NBAS: variants seen among roughly 807,000 people sequenced by gnomAD.
NBAS encodes the protein NAG/BC035112 fusion.
In NBAS, 219 loss-of-function variants were observed where a neutral mutation model predicts 302.5. That is an observed-to-expected ratio of 0.72 (90% CI 0.65 to 0.81). The LOEUF (loss-of-function observed/expected upper bound fraction) is 0.81, where lower values mean the gene tolerates loss of function less well. NBAS is among the 30% of genes least tolerant of loss of function. NBAS has a pLI of 0.00. For missense variants in NBAS, 2,932 were observed against 2,841.6 expected (o/e 1.03, Z -0.72); for synonymous variants, 1,118 against 1,021.6 (o/e 1.09, Z -1.80).
At chr2:15,344,775 C>G (rs149411811) in intron 35 of NBAS, among the ~76,000 whole-genome samples, 2 of 152,278 alleles carry the variant, frequency 1.3e-5, no homozygotes, top group Admixed American at 1.3e-4. Context: ...AAAACACTGG[C>G]AAACCGAATC....
At chr2:15,560,844 G>A (rs559743530) in intron 1 of NBAS, among the ~76,000 whole-genome samples, 38 of 152,218 alleles carry the variant, frequency 2.5e-4, no homozygotes, top group African/African-American at 8.7e-4. Flanking sequence ...GTCCAGCGCT[G>A]TGCCTTCCCC....
At chr2:14,996,450 C>T in the NBAS span, among the ~76,000 whole-genome samples, 3 of 152,270 alleles carry the variant, frequency 2.0e-5, no homozygotes, top group East Asian at 3.9e-4. Context: ...CGGCAGACGG[C>T]GTACAGCACC....
chr2:15,046,258 C>T, the NBAS span, among the ~76,000 whole-genome samples: 27 of 152,122 alleles, frequency 1.8e-4, no homozygotes, highest in African/African-American at 6.5e-4. Context: ...GTTTTCATAG[C>T]TAATTTTTAT....
chr2:15,532,626 G>T (rs1663279047), intron 9 of NBAS, among the ~76,000 whole-genome samples: 1 of 151,940 alleles, frequency 6.6e-6, no homozygotes, highest in Admixed American at 6.5e-5. Flanking sequence ...ACAAAGGGAA[G>T]TAAATAAACA....
At chr2:15,487,568 G>C (rs1431192809) in intron 12 of NBAS, among the ~76,000 whole-genome samples, 1 of 152,106 alleles carries the variant, frequency 6.6e-6, no homozygotes, top group African/African-American at 2.4e-5. Context: ...GTTGCTGTAG[G>C]GTCAACTGTG....
the NBAS span, among the ~76,000 whole-genome samples, chr2:14,874,463 T>TAA: frequency 7.5e-3 from 976 of 129,630 alleles, 16 homozygotes; most frequent in East Asian, 0.037. Context: ...CGTCTCTACT[T>TAA]AAAAAAAAAA....
At chr2:14,923,336 G>A in the NBAS span, among the ~76,000 whole-genome samples, 41 of 152,170 alleles carry the variant, frequency 2.7e-4, no homozygotes, top group Non-Finnish European at 5.1e-4. Flanking sequence ...ACAGCAGTGA[G>A]CAGATCACTG....
the NBAS span, among the ~76,000 whole-genome samples, chr2:15,120,811 C>A: frequency 5.4e-3 from 825 of 152,366 alleles, 5 homozygotes; most frequent in Non-Finnish European, 8.1e-3. Context: ...GCCAGACCAA[C>A]TGCTTCCTTT....
intron 48 of NBAS, among the ~76,000 whole-genome samples, chr2:15,210,658 A>T (rs1006127420): frequency 6.6e-6 from 1 of 152,198 alleles, no homozygotes; most frequent in Non-Finnish European, 1.5e-5. Flanking sequence ...TGTATCAAAG[A>T]GATAGCTGCA....
rs796592576 is a variant in NBAS, at chr2:15,211,899, T to A, written c.6432+6874A>T. Among the ~76,000 whole-genome samples, 26 of 152,318 alleles carry A rather than the reference T, an allele frequency of 1.7e-4. 1 individual carries two copies. Among genetic ancestry groups the A allele is most frequent in the African/African-American group, 6.3e-4 (26 of 41,558 alleles). On this transcript the variant is annotated intron_variant, in intron 48 of 51. Transcript: ENST00000281513. ...GTGAAGGGGATAAACAGAGCGTCCCTATATCTCCACTTCCACCTTCCAAAA... is the reference window on the plus strand; with the variant it reads ...GTGAAGGGGATAAACAGAGCGTCCCAATATCTCCACTTCCACCTTCCAAAA...
At chr2:15,184,374 C>A (rs1664973094) in intron 50 of NBAS, among the ~76,000 whole-genome samples, 1 of 151,958 alleles carries the variant, frequency 6.6e-6, no homozygotes, top group Non-Finnish European at 1.5e-5. Flanking sequence ...ACTGTAATAT[C>A]TAATGAAATA....
chr2:15,374,641 C>T lies in NBAS; in HGVS notation c.3670G>A (p.Glu1224Lys). ...GGCAGGATCTTTACCCCAAATTCTT[C>T]AAGACATCCAACGGCTTGGATAAGA... Reference protein sequence around the residue: ...LDLIQAVGCLEEFGVKILPLQ... With the variant: ...LDLIQAVGCLKEFGVKILPLQ... Residue 1224 changes from glutamate (E) to lysine (K), a missense_variant, in exon 31 of 52, where the codon GAA becomes AAA. By Grantham distance (56) the Glu-to-Lys change is moderately conservative (BLOSUM62 1). Transcript: ENST00000281513. The T allele has an allele frequency of 6.2e-7, 1 of 1,613,978 alleles. No individual in the cohort carries two copies. The highest frequency in any genetic ancestry group is 1.7e-4 in the Middle Eastern group (1 of 6,060).
intron 9 of NBAS, among the ~76,000 whole-genome samples, chr2:15,525,547 T>C (rs555821071): frequency 7.1e-4 from 108 of 152,338 alleles, no homozygotes; most frequent in African/African-American, 2.1e-3. Context: ...CACAACTCTA[T>C]ACATTTAGTA....
chr2:15,142,126 A>T, the NBAS span, among the ~76,000 whole-genome samples: 1 of 152,210 alleles, frequency 6.6e-6, no homozygotes, highest in Admixed American at 6.5e-5. Context: ...GAACGATGAT[A>T]TTCAGAAAAT....
chr2:15,383,370 C>G (rs1162709797), intron 28 of NBAS, 53 bp from the exon 29 acceptor site: 74 of 1,535,564 alleles, frequency 4.8e-5, no homozygotes, highest in Non-Finnish European at 6.4e-5. Context: ...CAATTAAAAT[C>G]TCTTTCTTCA....
At chr2:15,176,593 C>T (rs1664553522) in intron 51 of NBAS, among the ~76,000 whole-genome samples, 1 of 152,212 alleles carries the variant, frequency 6.6e-6, no homozygotes, top group South Asian at 2.1e-4. Flanking sequence ...ATCCAAAAAG[C>T]TTGAGCTCAG....
At chr2:15,194,067 A>G (rs1228594879) in intron 48 of NBAS, among the ~76,000 whole-genome samples, 2 of 152,130 alleles carry the variant, frequency 1.3e-5, no homozygotes, top group African/African-American at 4.8e-5. Flanking sequence ...ACCTAGAAAC[A>G]GACCAGAGCT....
the NBAS span, among the ~76,000 whole-genome samples, chr2:14,819,185 A>G: frequency 6.6e-5 from 10 of 152,210 alleles, no homozygotes; most frequent in African/African-American, 1.4e-4. Context: ...CCCAGATGCT[A>G]TCTAAGTTCC....
intron 21 of NBAS, among the ~76,000 whole-genome samples, chr2:15,452,719 T>C (rs980507776): frequency 3.3e-5 from 5 of 152,188 alleles, no homozygotes; most frequent in African/African-American, 7.2e-5. Flanking sequence ...CTGAATAGGA[T>C]TGTAGAAGAA....
Sources: allele counts gnomAD v4.1 joint callset (sites outside exome capture counted in the v4.1 genomes callset), GRCh38; gene constraint gnomAD v4.1.1; transcripts MANE v1.5; gene names NCBI Gene and HGNC (gene_info 2026-07-23, HGNC 2026-07-21).